MERTK: variants seen among roughly 807,000 people sequenced by gnomAD.
The protein encoded by MERTK is MER proto-oncogene, tyrosine kinase.
A neutral mutation model predicts 99.3 loss-of-function variants in MERTK; 69 were observed. The ratio of observed to expected loss-of-function variants is 0.70; its 90% CI spans 0.57 to 0.85. The LOEUF (loss-of-function observed/expected upper bound fraction) is 0.85, where lower values mean the gene tolerates loss of function less well. MERTK is among the 40% of genes least tolerant of loss of function. MERTK has a pLI of 0.00. For synonymous variants in MERTK, 426 were observed against 467.6 expected (o/e 0.91, Z 1.15); for missense variants, 1,125 against 1,249.4 (o/e 0.90, Z 1.50).
At chr2:111,981,415 G>GTAT (rs1208509695) in intron 7 of MERTK, among the ~76,000 whole-genome samples, 1 of 151,826 alleles carries the variant, frequency 6.6e-6, no homozygotes, top group Admixed American at 6.6e-5. Flanking sequence ...ATCAAAATTT[G>GTAT]TATTATTATT....
At chr2:111,957,468 C>A (rs995771026) in intron 4 of MERTK, among the ~76,000 whole-genome samples, 1 of 152,202 alleles carries the variant, frequency 6.6e-6, no homozygotes, top group African/African-American at 2.4e-5. Context: ...TCTGATACCC[C>A]CCCGCCCATC....
At chr2:112,020,598 C>T in intron 16 of MERTK, 2 of 470,990 alleles carry the variant, frequency 4.2e-6, no homozygotes. Context: ...CATTTAATTC[C>T]TCAAGCACCC....
chr2:112,017,044 C>T (rs564426266), intron 15 of MERTK, among the ~76,000 whole-genome samples: 51 of 152,182 alleles, frequency 3.4e-4, no homozygotes, highest in South Asian at 1.0e-3. Flanking sequence ...AACAAAGCTT[C>T]TACAGTGTGG....
At chr2:111,922,123 G>A (rs1307556920) in intron 1 of MERTK, among the ~76,000 whole-genome samples, 1 of 152,134 alleles carries the variant, frequency 6.6e-6, no homozygotes, top group Admixed American at 6.5e-5. Context: ...AACTGAACAG[G>A]GTTCACCAGC....
At chr2:111,954,996 G>A (rs907833771) in intron 4 of MERTK, among the ~76,000 whole-genome samples, 2 of 152,150 alleles carry the variant, frequency 1.3e-5, no homozygotes, top group Non-Finnish European at 2.9e-5. Flanking sequence ...GGAACTAGGT[G>A]CTGAGGTCAG....
rs115375163 is a variant in MERTK, at chr2:112,004,312, A to G, written c.1867+328A>G. ...CTAACAACTCCAAAGTAGAGCATCA[A>G]TTGCTGAGGCAGGGGTGATCTAATA... is the stretch of plus-strand genomic sequence containing the variant. On this transcript the variant is annotated intron_variant, in intron 13 of 18. Coordinates refer to ENST00000295408, the MANE Select transcript of MERTK (RefSeq NM_006343.3). Among the ~76,000 whole-genome samples the G allele has an allele frequency of 4.2e-4, 64 of 152,116 alleles. 1 individual carries two copies. The South Asian group carries it at 6.4e-3, about 15-fold the overall frequency.
chr2:111,937,578 T>A (rs549908690), intron 2 of MERTK, among the ~76,000 whole-genome samples: 138 of 152,304 alleles, frequency 9.1e-4, no homozygotes, highest in South Asian at 3.9e-3. Flanking sequence ...CCCCATGGGC[T>A]CTCTGTGCTG....
intron 16 of MERTK, chr2:112,020,497 CT>C (rs1214110243): frequency 8.9e-6 from 4 of 448,550 alleles, no homozygotes; most frequent in African/African-American, 8.2e-5. Flanking sequence ...CCTTCTCTTC[CT>C]TTTATTCTTT....
At chr2:111,918,405 G>A (rs1277317124) in intron 1 of MERTK, among the ~76,000 whole-genome samples, 2 of 152,136 alleles carry the variant, frequency 1.3e-5, no homozygotes, top group East Asian at 3.9e-4. Flanking sequence ...TGGCATGATG[G>A]AAAAGTTAAC....
intron 7 of MERTK, among the ~76,000 whole-genome samples, chr2:111,981,074 T>C (rs1342024494): frequency 6.6e-6 from 1 of 152,204 alleles, no homozygotes. Flanking sequence ...GCAGCTTTAG[T>C]TGTGTGATGT....
chr2:111,997,272 G>T, intron 9 of MERTK, 51 bp from the exon 10 acceptor site: 1 of 1,583,394 alleles, frequency 6.3e-7, no homozygotes, highest in South Asian at 1.1e-5. Context: ...TTACAAGCCA[G>T]TGTTTCTCAT....
intron 14 of MERTK, chr2:112,008,850 A>C: frequency 3.2e-6 from 1 of 312,790 alleles, no homozygotes; most frequent in Non-Finnish European, 6.2e-6. Context: ...AAAAGTAGGC[A>C]AATTCCGTAG....
At chr2:111,918,266 A>G (rs900470807) in intron 1 of MERTK, among the ~76,000 whole-genome samples, 2 of 152,168 alleles carry the variant, frequency 1.3e-5, no homozygotes, top group Admixed American at 6.5e-5. Context: ...ACTTTAACAA[A>G]CTTCTTGCTA....
intron 18 of MERTK, among the ~76,000 whole-genome samples, chr2:112,023,068 A>G (rs528493551): frequency 6.6e-6 from 1 of 152,104 alleles, no homozygotes; most frequent in South Asian, 2.1e-4. Context: ...GTTTGAGCCC[A>G]GGAGTTTAAG....
chr2:112,007,312 G>T (rs1339459654), intron 13 of MERTK, among the ~76,000 whole-genome samples: 12 of 152,046 alleles, frequency 7.9e-5, no homozygotes, highest in African/African-American at 2.4e-4. Flanking sequence ...CCGCCACCAC[G>T]CCCGCCTAAT....
At chr2:111,956,255 T>A (rs1437622756) in intron 4 of MERTK, among the ~76,000 whole-genome samples, 1 of 152,156 alleles carries the variant, frequency 6.6e-6, no homozygotes, top group African/African-American at 2.4e-5. Flanking sequence ...CATAAAACAT[T>A]TATGAGGTTT....
chr2:112,029,465 A>G lies in MERTK; in HGVS notation c.*601A>G, dbSNP rs1010648448. 2.6e-5 allele frequency: 11 copies of G among 421,640 alleles called. No individual in the cohort carries two copies. The South Asian group carries it at 3.0e-4, about 11-fold the overall frequency. 26.1% of individuals were successfully genotyped at this position (421,640 alleles called of 1,614,324 possible). A position where few individuals can be genotyped will look rare whatever the true frequency, so the allele number is the denominator to read the frequency against. On this transcript the variant is annotated 3_prime_UTR_variant, in exon 19 of 19. Coordinates refer to ENST00000295408, the MANE Select transcript of MERTK (RefSeq NM_006343.3). ...CCCTTAATGCCTGGTCCTTGGGGCA[A>G]TTGCTCTGACCATTCTTGGCATTGC...
intron 1 of MERTK, 100 bp from the exon 2 acceptor site, chr2:111,929,020 G>T: frequency 8.4e-7 from 1 of 1,190,358 alleles, no homozygotes; most frequent in South Asian, 1.3e-5. Context: ...GGGCACAGAG[G>T]ACACCCCAGT....
Position 112,010,021 on chromosome 2 carries a change from C to A in MERTK, c.2034C>A (p.Asp678Glu). Residue 678 changes from aspartate (D) to glutamate (E), a missense_variant, in exon 15 of 19, where the codon GAC (aspartate) becomes GAA (glutamate). Physicochemically the swap from Asp to Glu is conservative, Grantham distance 45. Transcript: ENST00000295408. ...TTTTACCCTTCATGAAATACGGGGA[C>A]CTGCATACTTACTTACTTTATTCCC... ...MVILPFMKYG[D>E]LHTYLLYSRL... The A allele has an allele frequency of 2.5e-6, 4 of 1,613,924 alleles. No homozygotes were observed. Among genetic ancestry groups the A allele is most frequent in the Non-Finnish European group, 2.5e-6 (3 of 1,179,844 alleles).
Sources: allele counts gnomAD v4.1 joint callset (sites outside exome capture counted in the v4.1 genomes callset), GRCh38; gene constraint gnomAD v4.1.1; transcripts MANE v1.5; gene names NCBI Gene and HGNC (gene_info 2026-07-23, HGNC 2026-07-21).